Variants in ARHGAP27 observed in about 807,000 individuals in gnomAD.
ARHGAP27 encodes rho GTPase-activating protein 27.
Under a neutral mutation model 102.0 loss-of-function variants are expected in ARHGAP27, and 53 were observed. That is an observed-to-expected ratio of 0.52 (90% CI 0.42 to 0.65). ARHGAP27 has a LOEUF of 0.65. Ranked by LOEUF, ARHGAP27 falls within the 30% of genes least tolerant of loss-of-function variation. The pLI is 0.00. For synonymous variants in ARHGAP27, 525 were observed against 542.8 expected (o/e 0.97, Z 0.46); for missense variants, 1,117 against 1,256.2 (o/e 0.89, Z 1.68).
intron 12 of ARHGAP27, among the ~76,000 whole-genome samples, chr17:45,399,283 A>G (rs2046131204): frequency 6.6e-6 from 1 of 152,188 alleles, no homozygotes; most frequent in Admixed American, 6.5e-5. Flanking sequence ...CTTGAAGACT[A>G]TTTAAACTGC....
At chr17:45,404,900 G>C (rs1240417176) in intron 6 of ARHGAP27, 24 bp downstream of exon 6, 1 of 1,613,956 alleles carries the variant, frequency 6.2e-7, no homozygotes, top group Non-Finnish European at 8.5e-7. Flanking sequence ...AGGCTGTCCG[G>C]GTCCATCTGC....
chr17:45,410,715 G>C lies in ARHGAP27; in HGVS notation c.658-4632C>G, dbSNP rs190751295. On this transcript the variant is annotated intron_variant, in intron 4 of 19. Coordinates refer to ENST00000685559, the MANE Select transcript of ARHGAP27 (RefSeq NM_001282290.2). ...ACAGGGTGGGCAGAGGGGGCGCTGA[G>C]TGCTGGGGGCCTGGGCTGGCCTGGA... Among the ~76,000 whole-genome samples the C allele has an allele frequency of 4.5e-3, 679 of 152,166 alleles. 5 individuals carry two copies. Among genetic ancestry groups the C allele is most frequent in the African/African-American group, 0.015 (643 of 41,500 alleles).
Position 45,397,931 on chromosome 17 carries a change from G to A in ARHGAP27, c.1842+18C>T. 2 of 1,593,804 alleles carry A rather than the reference G, an allele frequency of 1.3e-6. No homozygotes were observed. The highest frequency in any genetic ancestry group is 1.7e-6 in the Non-Finnish European group (2 of 1,165,706). ...CACCCCCTCCCCACTGCCCCTAGAG[G>A]CCCTGGGCTCTGCTTACCAGCTCCT... is the stretch of plus-strand genomic sequence containing the variant. On this transcript the variant is annotated intron_variant, in intron 13 of 19. Coordinates refer to ENST00000685559, the MANE Select transcript of ARHGAP27 (RefSeq NM_001282290.2).
chr17:45,399,616 A>AAAAGAAAAGAAAAGAAAAGAAAAGG (rs1567695443), intron 12 of ARHGAP27, among the ~76,000 whole-genome samples: 3 of 151,922 alleles, frequency 2.0e-5, no homozygotes, highest in African/African-American at 7.3e-5. Flanking sequence ...AAAAGAAAAG[A>AAAAGAAAAGAAAAGAAAAGAAAAGG]AAAGAAAATG....
chr17:45,402,109 C>CCACTGCCCCAGTTTATT (rs2046508423), intron 12 of ARHGAP27, among the ~76,000 whole-genome samples: 1 of 152,188 alleles, frequency 6.6e-6, no homozygotes, highest in Non-Finnish European at 1.5e-5. Flanking sequence ...GTAGTCTTCT[C>CCACTGCCCCAGTTTATT]CACTGCCCCA....
At chr17:45,402,318 C>G (rs2046534439) in intron 12 of ARHGAP27, among the ~76,000 whole-genome samples, 1 of 152,180 alleles carries the variant, frequency 6.6e-6, no homozygotes, top group African/African-American at 2.4e-5. Context: ...AGGCCCTACT[C>G]CTCACCACCC....
chr17:45,415,848 T>C (rs113087847), intron 4 of ARHGAP27, among the ~76,000 whole-genome samples: 3 of 152,172 alleles, frequency 2.0e-5, no homozygotes, highest in African/African-American at 7.2e-5. Context: ...GACAGCCAGA[T>C]ACAAGGCATG....
At chr17:45,419,230 A>T (rs932880861) in intron 4 of ARHGAP27, among the ~76,000 whole-genome samples, 2 of 152,164 alleles carry the variant, frequency 1.3e-5, no homozygotes, top group African/African-American at 4.8e-5. Flanking sequence ...GATAAACATA[A>T]ATAAACAAGT....
At chr17:45,429,531 T>C (rs771605992) in intron 4 of ARHGAP27, 92 bp downstream of exon 4, 30 of 1,544,302 alleles carry the variant, frequency 1.9e-5, no homozygotes, top group Non-Finnish European at 2.5e-5. Flanking sequence ...TGCCCGACGC[T>C]GAGCGGAGCG....
intron 11 of ARHGAP27, 40 bp from the exon 12 acceptor site, chr17:45,402,858 C>A: frequency 6.5e-7 from 1 of 1,530,538 alleles, no homozygotes; most frequent in South Asian, 1.1e-5. Context: ...GCCCTCAGTT[C>A]AGATGTGTCT....
rs976444698 is a variant in ARHGAP27 at position 45,427,397 on chromosome 17, T to G, written c.657+2226A>C. Among the ~76,000 whole-genome samples the G allele has an allele frequency of 5.3e-5, 8 of 152,206 alleles. No homozygotes were observed. Among genetic ancestry groups the G allele is most frequent in the Non-Finnish European group, 4.4e-5 (3 of 68,042 alleles). On this transcript the variant is annotated intron_variant, in intron 4 of 19. Transcript: ENST00000685559. This position sits in a 1 kb window ranked among gnomAD's most constrained non-coding sequence, Gnocchi z 4.5. ...CTTGCTGGCCTCCTATCCAAGAGGG[T>G]GAGTCCCCCAGGATCGTGGCTGTGC...
chr17:45,398,270 C>T (rs2045981388), intron 12 of ARHGAP27, among the ~76,000 whole-genome samples: 1 of 152,222 alleles, frequency 6.6e-6, no homozygotes, highest in Non-Finnish European at 1.5e-5. Flanking sequence ...CAAACTGAGG[C>T]TCAGCAAGTT....
chr17:45,417,995 C>A (rs1412446143), intron 4 of ARHGAP27, among the ~76,000 whole-genome samples: 1 of 150,892 alleles, frequency 6.6e-6, no homozygotes, highest in Non-Finnish European at 1.5e-5. Context: ...GGAGATCGTG[C>A]CACTGCACTC....
At chr17:45,398,407 T>C (rs1184956201) in intron 12 of ARHGAP27, among the ~76,000 whole-genome samples, 4 of 152,146 alleles carry the variant, frequency 2.6e-5, no homozygotes, top group African/African-American at 9.7e-5. Context: ...GCAGGCCTCA[T>C]GCAGAGCACT....
intron 4 of ARHGAP27, among the ~76,000 whole-genome samples, chr17:45,420,132 T>C (rs1397225214): frequency 1.3e-5 from 2 of 152,214 alleles, no homozygotes; most frequent in Admixed American, 1.3e-4. Context: ...TATAACAGTA[T>C]TCATTATGAC....
intron 12 of ARHGAP27, 27 bp downstream of exon 12, chr17:45,402,687 C>T (rs755703043): frequency 1.3e-6 from 2 of 1,580,036 alleles, no homozygotes; most frequent in African/African-American, 1.3e-5. Context: ...AGCCCCTTCC[C>T]TCCTTCTCCC....
chr17:45,417,156 CA>C (rs1190599116), intron 4 of ARHGAP27, among the ~76,000 whole-genome samples: 30 of 133,000 alleles, frequency 2.3e-4, no homozygotes, highest in African/African-American at 2.8e-4. Flanking sequence ...AACTCTGTCT[CA>C]AAAAAAAAAA....
chr17:45,422,101 G>A (rs1176097368), intron 4 of ARHGAP27, among the ~76,000 whole-genome samples: 2 of 152,162 alleles, frequency 1.3e-5, no homozygotes, highest in Non-Finnish European at 2.9e-5. Flanking sequence ...GGCAGGCGGA[G>A]GTTGCAGTGA....
intron 4 of ARHGAP27, among the ~76,000 whole-genome samples, chr17:45,418,271 T>TAA (rs66460873): frequency 4.0e-5 from 4 of 100,122 alleles, no homozygotes; most frequent in African/African-American, 8.2e-5. Context: ...TAATAAAAAG[T>TAA]AAAAAAAAAA....
Sources: allele counts gnomAD v4.1 joint callset (sites outside exome capture counted in the v4.1 genomes callset), GRCh38; gene constraint gnomAD v4.1.1; non-coding constraint Gnocchi (gnomAD v3.1); transcripts MANE v1.5; gene names NCBI Gene and HGNC (gene_info 2026-07-23, HGNC 2026-07-21).